PRPF18: variants seen among roughly 807,000 people sequenced by gnomAD.
The protein encoded by PRPF18 is pre-mRNA processing factor 18.
A neutral mutation model predicts 46.5 loss-of-function variants in PRPF18; 38 were observed. That is an observed-to-expected ratio of 0.82 (90% CI 0.63 to 1.07). The LOEUF is 1.07. Among genes scored for constraint, PRPF18 ranks in the 50% least tolerant of loss-of-function variants. The pLI is 0.00. For synonymous variants in PRPF18, 152 were observed against 146.7 expected, an observed-to-expected ratio of 1.04 and a Z score of -0.26; for missense variants, 263 against 410.0, an observed-to-expected ratio of 0.64 and a Z score of 3.10.
chr10:13,611,287 A>G (rs749156239), intron 5 of PRPF18, among the ~76,000 whole-genome samples: 4 of 151,744 alleles, frequency 2.6e-5, no homozygotes, highest in Non-Finnish European at 4.4e-5. Flanking sequence ...CTGATTTAAC[A>G]TATACAAATC....
intron 1 of PRPF18, chr10:13,592,246 C>A (rs749418941): frequency 5.5e-6 from 3 of 544,066 alleles, no homozygotes; most frequent in Non-Finnish European, 1.0e-5. Flanking sequence ...CCTTTTTCAC[C>A]TTGTCACCAG....
the PRPF18 span, among the ~76,000 whole-genome samples, chr10:13,650,318 G>A: frequency 4.6e-5 from 7 of 152,144 alleles, no homozygotes; most frequent in Admixed American, 3.9e-4. Context: ...AGGGGATGAG[G>A]CCCTCTAGAG....
At position 13,610,184 on chromosome 10, in the gene PRPF18, A is replaced by G; in HGVS notation, c.509A>G (p.Glu170Gly). ...HEENTTIEELEALGESLGKGD... is the reference protein window; with the variant it reads ...HEENTTIEELGALGESLGKGD... ...GAAAACACCACAATTGAAGAGTTAG[A>G]GGTAATCTCTACACCAAGCCCAGCA... Residue 170 changes from glutamate (E) to glycine (G), a missense_variant and splice_region_variant, in exon 5 of 10, where the codon GAG (glutamate) becomes GGG (glycine). Coordinates refer to ENST00000378572, the MANE Select transcript of PRPF18 (RefSeq NM_003675.4). 3 of 1,613,584 alleles carry G rather than the reference A, an allele frequency of 1.9e-6. No homozygotes were observed. Among genetic ancestry groups the G allele is most frequent in the African/African-American group, 1.3e-5 (1 of 75,048 alleles).
chr10:13,640,676 T>C, the PRPF18 span: 3 of 152,404 alleles, frequency 2.0e-5, no homozygotes, highest in African/African-American at 7.2e-5. Flanking sequence ...CCTTTTCTTT[T>C]TAGTCAGTCT....
At chr10:13,651,747 C>T in the PRPF18 span, 3 of 620,948 alleles carry the variant, frequency 4.8e-6, no homozygotes, top group Non-Finnish European at 8.8e-6. Flanking sequence ...TAAGAACCTT[C>T]AGCTAAAAAC....
At chr10:13,635,529 C>CT, downstream of PRPF18, among the ~76,000 whole-genome samples, 1 of 152,218 alleles carries the variant, frequency 6.6e-6, no homozygotes, top group East Asian at 1.9e-4. Flanking sequence ...AAAAGCGTTC[C>CT]TTTTTTCTCT....
chr10:13,627,092 T>A (rs2080519022), intron 9 of PRPF18, among the ~76,000 whole-genome samples: 1 of 152,174 alleles, frequency 6.6e-6, no homozygotes, highest in Non-Finnish European at 1.5e-5. Flanking sequence ...TCACATACAG[T>A]CAGATCGTGT....
chr10:13,625,839 T>C (rs1167045772), intron 9 of PRPF18, among the ~76,000 whole-genome samples: 1 of 152,242 alleles, frequency 6.6e-6, no homozygotes, highest in Non-Finnish European at 1.5e-5. Flanking sequence ...GGAAATATTG[T>C]CCAACTCAGA....
chr10:13,588,070 T>C (rs78379510), intron 1 of PRPF18, among the ~76,000 whole-genome samples: 2,433 of 152,196 alleles, frequency 0.016, 69 homozygotes, highest in African/African-American at 0.053. Context: ...GCCCCAGTGC[T>C]CCTGAGAGTT....
At chr10:13,632,132 G>T (rs905676220), downstream of PRPF18, among the ~76,000 whole-genome samples, 3 of 152,184 alleles carry the variant, frequency 2.0e-5, no homozygotes, top group African/African-American at 7.2e-5. Flanking sequence ...ACGAGGTCAG[G>T]AGGTAGAGAC....
Position 13,630,464 on chromosome 10 carries a change from A to C in PRPF18, c.*124A>C. The C allele has an allele frequency of 3.0e-6, 2 of 676,150 alleles. No homozygotes were observed. Among genetic ancestry groups the C allele is most frequent in the Non-Finnish European group, 4.9e-6 (2 of 409,856 alleles). The allele number at this position is 676,150 out of a possible 1,614,324, so 41.9% of individuals were successfully genotyped here. On this transcript the variant is annotated 3_prime_UTR_variant, in exon 10 of 10. Coordinates refer to ENST00000378572, the MANE Select transcript of PRPF18 (RefSeq NM_003675.4). ...GTTTCCAGTCTCTGAGTTCTACCTG[A>C]TGTAACTCTTGATTGGTTTTAAGAA...
chr10:13,615,824 G>C (rs921666152), intron 8 of PRPF18, among the ~76,000 whole-genome samples: 13 of 152,038 alleles, frequency 8.6e-5, no homozygotes, highest in African/African-American at 3.1e-4. Flanking sequence ...AAAGTGGAGC[G>C]ATCTCATCCT....
chr10:13,638,350 T>C, the PRPF18 span, among the ~76,000 whole-genome samples: 4 of 148,418 alleles, frequency 2.7e-5, no homozygotes, highest in Non-Finnish European at 5.9e-5. Flanking sequence ...GTATAAAACA[T>C]GAACTGCTTT....
chr10:13,611,209 A>T (rs6602670), intron 5 of PRPF18, among the ~76,000 whole-genome samples: 179 of 115,030 alleles, frequency 1.6e-3, no homozygotes, highest in Middle Eastern at 5.0e-3. Context: ...TTTTTTTCCT[A>T]TTGGTGTATT....
intron 1 of PRPF18, chr10:13,591,917 G>T: frequency 7.4e-7 from 1 of 1,359,496 alleles, no homozygotes; most frequent in Non-Finnish European, 9.9e-7. Flanking sequence ...TTTCTCACGT[G>T]TCAACTGAGG....
At chr10:13,630,212 ATAATT>A in intron 9 of PRPF18, 43 bp from the exon 10 acceptor site, 1 of 1,437,244 alleles carries the variant, frequency 7.0e-7, no homozygotes, top group Non-Finnish European at 9.8e-7. Context: ...GCAGTTAAGA[ATAATT>A]TAACCATGTC....
chr10:13,650,027 C>A, the PRPF18 span, among the ~76,000 whole-genome samples: 7,278 of 152,258 alleles, frequency 0.048, 485 homozygotes, highest in African/African-American at 0.14. Context: ...GGGCTTTCCA[C>A]TGCAAGAATG....
chr10:13,654,000 C>A, the PRPF18 span: 1 of 303,996 alleles, frequency 3.3e-6, no homozygotes, highest in Non-Finnish European at 5.9e-6. Context: ...CATCCTAAGA[C>A]ACTGGCTGTT....
the PRPF18 span, chr10:13,654,022 A>C: frequency 2.3e-5 from 8 of 351,126 alleles, no homozygotes; most frequent in Non-Finnish European, 4.0e-5. Flanking sequence ...CACCTGCCCC[A>C]GTGTATTTGC....
Sources: gnomAD v4.1 joint callset for allele counts (sites outside exome capture counted in the v4.1 genomes callset) on GRCh38, gnomAD v4.1.1 for gene constraint, MANE v1.5 for transcripts, NCBI Gene and HGNC (gene_info 2026-07-23, HGNC 2026-07-21) for gene names.